RYR3: variants seen among roughly 807,000 people sequenced by gnomAD.
RYR3 encodes the protein brain ryanodine receptor-calcium release channel.
A neutral mutation model predicts 584.3 loss-of-function variants in RYR3; 207 were observed. That is an observed-to-expected ratio of 0.35 (90% CI 0.32 to 0.40). RYR3 has a LOEUF of 0.40. RYR3 is among the 10% of genes least tolerant of loss of function. The pLI is 1.00. For synonymous variants in RYR3, 2,416 were observed against 2,248.5 expected (o/e 1.07, Z -2.11); for missense variants, 5,616 against 6,089.2 (o/e 0.92, Z 2.59).
chr15:33,522,868 A>G (rs566109718), intron 3 of RYR3, among the ~76,000 whole-genome samples: 1 of 152,278 alleles, frequency 6.6e-6, no homozygotes, highest in Non-Finnish European at 1.5e-5. Flanking sequence ...TCTAATTCCC[A>G]GTCTACTACC....
chr15:33,859,855 GAA>G, intron 100 of RYR3, 124 bp downstream of exon 100: 2 of 1,097,950 alleles, frequency 1.8e-6, no homozygotes, highest in East Asian at 2.6e-5. Context: ...AATTTAGCAA[GAA>G]CTAATTTAGC....
At chr15:33,312,772 G>C (rs1967530726) in intron 1 of RYR3, among the ~76,000 whole-genome samples, 2 of 152,208 alleles carry the variant, frequency 1.3e-5, no homozygotes, top group Non-Finnish European at 2.9e-5. Context: ...GCTTAGGAAG[G>C]TGGTAGTTGT....
Position 33,860,642 on chromosome 15 carries a change from G to T in RYR3, c.14347G>T (p.Val4783Leu). ...AGAGCTAAGAGACCAGCAGGAACAA[G>T]TACGAGAAGATATGGAGGTAATGTT... ...FGELRDQQEQVREDMETKCFI... is the reference protein window; with the variant it reads ...FGELRDQQEQLREDMETKCFI... Residue 4783 changes from valine (V) to leucine (L), a missense_variant, in exon 101 of 104, where the codon GTA becomes TTA. Val to Leu is a conservative substitution (Grantham distance 32). Coordinates refer to ENST00000634891, the MANE Select transcript of RYR3 (RefSeq NM_001036.6). 6.3e-7 allele frequency: 1 copy of T among 1,593,770 alleles called. No homozygotes were observed. Among genetic ancestry groups the T allele is most frequent in the East Asian group, 2.2e-5 (1 of 44,506 alleles).
Position 33,776,771 on chromosome 15 carries a change from G to A in RYR3, c.9137+3156G>A, listed in dbSNP as rs1008431380. ...TGCAAGATATTATTATTATTACTTTGATGACTTTGTCTTTTCCTATATCCC... is the reference window on the plus strand; with the variant it reads ...TGCAAGATATTATTATTATTACTTTAATGACTTTGTCTTTTCCTATATCCC... On this transcript the variant is annotated intron_variant, in intron 64 of 103. Transcript: ENST00000634891. Among the ~76,000 whole-genome samples, 9 of 151,974 alleles carry A rather than the reference G, an allele frequency of 5.9e-5. No individual in the cohort carries two copies. In the East Asian group the frequency reaches 1.7e-3, roughly 29 times the overall value.
rs148373699 is a variant in RYR3 at position 33,691,284 on chromosome 15, C to T, written c.5861-4934C>T. On this transcript the variant is annotated intron_variant, in intron 38 of 103. Transcript: ENST00000634891. The stretch of plus-strand genomic sequence containing the variant: ...ATTGATCATTGAGAGATTATTGGTT[C>T]GTTGAGTTAATAAGAACTTCAAAAT... 7.3e-3 allele frequency among the ~76,000 whole-genome samples: 1,111 copies of T among 152,258 alleles called. 3 individuals carry two copies. The highest frequency in any genetic ancestry group is 0.011 in the Non-Finnish European group (766 of 68,018).
intron 81 of RYR3, among the ~76,000 whole-genome samples, chr15:33,824,785 C>G (rs1303772440): frequency 6.6e-6 from 1 of 152,190 alleles, no homozygotes; most frequent in African/African-American, 2.4e-5. Context: ...TAGCCATAAA[C>G]TTTCCTAAGA....
intron 1 of RYR3, among the ~76,000 whole-genome samples, chr15:33,449,829 G>A (rs1470488142): frequency 6.6e-6 from 1 of 152,088 alleles, no homozygotes; most frequent in Non-Finnish European, 1.5e-5. Context: ...TGGTGTGAAA[G>A]GAAGGTATTT....
rs2152960331 is a variant in RYR3 at position 33,823,077 on chromosome 15, A to C, written c.11072+5A>C. The C allele has an allele frequency of 6.2e-7, 1 of 1,611,492 alleles. No individual in the cohort carries two copies. Among genetic ancestry groups the C allele is most frequent in the African/African-American group, 1.3e-5 (1 of 74,918 alleles). ...TGGTCTTATGCAGTCTTGCAGGTAAATGCGGGAAAACTACCATAGCATTTA... is the reference window on the plus strand; with the variant it reads ...TGGTCTTATGCAGTCTTGCAGGTAACTGCGGGAAAACTACCATAGCATTTA... On this transcript the variant is annotated splice_donor_5th_base_variant and intron_variant, in intron 81 of 103. Coordinates refer to ENST00000634891, the MANE Select transcript of RYR3 (RefSeq NM_001036.6).
intron 1 of RYR3, among the ~76,000 whole-genome samples, chr15:33,444,090 G>A (rs1453833251): frequency 1.3e-5 from 2 of 152,136 alleles, no homozygotes; most frequent in African/African-American, 2.4e-5. Context: ...TTTTAGTCAG[G>A]AAAACTAAAT....
intron 68 of RYR3, 133 bp from the exon 69 acceptor site, chr15:33,801,736 G>T: frequency 1.6e-6 from 1 of 613,288 alleles, no homozygotes; most frequent in South Asian, 2.1e-5. Context: ...GAATGAATTA[G>T]TTTTTCACGT....
At chr15:33,822,792 G>T (rs2077178034) in intron 80 of RYR3, among the ~76,000 whole-genome samples, 1 of 152,206 alleles carries the variant, frequency 6.6e-6, no homozygotes, top group African/African-American at 2.4e-5. Context: ...ACTTCAATCA[G>T]TAGGTCTATG....
At chr15:33,853,884 A>G (rs1278419113) in intron 96 of RYR3, among the ~76,000 whole-genome samples, 4 of 152,156 alleles carry the variant, frequency 2.6e-5, no homozygotes, top group African/African-American at 9.7e-5. Context: ...GAGCTGAAAG[A>G]TAAAGACTTA....
chr15:33,428,339 T>C (rs538061281), intron 1 of RYR3, among the ~76,000 whole-genome samples: 1 of 152,268 alleles, frequency 6.6e-6, no homozygotes, highest in Non-Finnish European at 1.5e-5. Context: ...TAAAAAGCTC[T>C]GCTCAAAGAA....
chr15:33,819,719 TAAAA>T (rs749429734), intron 76 of RYR3, 33 bp from the exon 77 acceptor site: 100 of 1,209,312 alleles, frequency 8.3e-5, no homozygotes, highest in Middle Eastern at 4.1e-4. Context: ...AATAAATAAA[TAAAA>T]AGCCTGCTAA....
Position 33,771,929 on chromosome 15 carries a change from G to A in RYR3, c.8826G>A (p.Met2942Ile). The A allele has an allele frequency of 1.9e-6, 3 of 1,610,584 alleles. No individual in the cohort carries two copies. Among genetic ancestry groups the A allele is most frequent in the Non-Finnish European group, 2.5e-6 (3 of 1,178,046 alleles). ...LAQTLDTRTV[M>I]KSGSELVKAG... ...CATTGTTTGCTTGCAGGACTGTCAT[G>A]AAGTCAGGCTCAGAGCTGGTGAAGG... Residue 2942 changes from methionine to isoleucine, a missense_variant, in exon 63 of 104, where the codon ATG becomes ATA. Physicochemically the swap from Met to Ile is conservative, Grantham distance 10. Coordinates refer to ENST00000634891, the MANE Select transcript of RYR3 (RefSeq NM_001036.6).
At position 33,864,207 on chromosome 15, in the gene RYR3, A is replaced by T; in HGVS notation, c.14517+18A>T. The T allele has an allele frequency of 6.3e-7, 1 of 1,595,168 alleles. No homozygotes were observed. Among genetic ancestry groups the T allele is most frequent in the African/African-American group, 1.3e-5 (1 of 74,582 alleles). On this transcript the variant is annotated intron_variant, in intron 103 of 103. Transcript: ENST00000634891. Reference sequence around the variant, plus strand: ...CGGGTCAGGTGAGAAATTAAGAATCATATACCCGTGTTAGATCTCCCTTTC... The same window carrying T: ...CGGGTCAGGTGAGAAATTAAGAATCTTATACCCGTGTTAGATCTCCCTTTC...
intron 12 of RYR3, among the ~76,000 whole-genome samples, chr15:33,578,351 T>A (rs1456865227): frequency 1.3e-5 from 2 of 152,060 alleles, no homozygotes; most frequent in African/African-American, 4.8e-5. Flanking sequence ...AGACGTAGAA[T>A]CAACCCAAAT....
intron 35 of RYR3, 127 bp downstream of exon 35, chr15:33,663,075 G>A (rs1428624592): frequency 2.6e-6 from 2 of 778,922 alleles, no homozygotes; most frequent in Non-Finnish European, 4.2e-6. Flanking sequence ...CTGACCAAGA[G>A]TGCTTGATGA....
At chr15:33,701,670 C>T (rs571034884) in intron 42 of RYR3, among the ~76,000 whole-genome samples, 21 of 151,728 alleles carry the variant, frequency 1.4e-4, no homozygotes, top group African/African-American at 3.1e-4. Context: ...AGAGGAGGGA[C>T]GTGGGCAAGT....
Sources: allele counts gnomAD v4.1 joint callset (sites outside exome capture counted in the v4.1 genomes callset), GRCh38; gene constraint gnomAD v4.1.1; transcripts MANE v1.5; gene names NCBI Gene and HGNC (gene_info 2026-07-23, HGNC 2026-07-21).